Variants in RBFOX1 observed in about 807,000 individuals in gnomAD.
RBFOX1 encodes RNA binding fox-1 homolog 1.
In RBFOX1, 8 loss-of-function variants were observed where a neutral mutation model predicts 57.7. The observed-to-expected ratio is 0.14, with a 90% confidence interval of 0.08 to 0.25. The LOEUF (loss-of-function observed/expected upper bound fraction) is 0.25. RBFOX1 is among the 10% of genes least tolerant of loss of function. RBFOX1 has a pLI of 1.00. For missense variants in RBFOX1, 611 were observed against 548.5 expected (o/e 1.11, Z -1.14); for synonymous variants, 326 against 222.4 (o/e 1.47, Z -4.15).
chr16:5,429,844 G>A (rs1264975012), intron 1 of RBFOX1, among the ~76,000 whole-genome samples: 1 of 152,184 alleles, frequency 6.6e-6, no homozygotes, highest in Non-Finnish European at 1.5e-5. Context: ...TGTGCTAGGG[G>A]CTCCGGCTGT....
chr16:5,525,019 T>C (rs936900709), intron 2 of RBFOX1, among the ~76,000 whole-genome samples: 1 of 152,230 alleles, frequency 6.6e-6, no homozygotes, highest in East Asian at 1.9e-4. Context: ...TTGATTAATG[T>C]CCATCTTCCC....
chr16:5,708,721 C>A (rs74006214), intron 3 of RBFOX1, among the ~76,000 whole-genome samples: 1 of 152,138 alleles, frequency 6.6e-6, no homozygotes, highest in Non-Finnish European at 1.5e-5. Flanking sequence ...CTGGCACCGG[C>A]TTGGGCAATA....
At chr16:6,884,353 G>C (rs1010582141) in intron 3 of RBFOX1, among the ~76,000 whole-genome samples, 1 of 152,182 alleles carries the variant, frequency 6.6e-6, no homozygotes. Flanking sequence ...TTCTTCCAAA[G>C]TCACTTGACA....
chr16:6,460,910 A>T (rs938692597), intron 2 of RBFOX1, among the ~76,000 whole-genome samples: 2 of 152,026 alleles, frequency 1.3e-5, no homozygotes, highest in African/African-American at 4.8e-5. Flanking sequence ...TACACCATGG[A>T]ATACTATGCA....
intron 1 of RBFOX1, among the ~76,000 whole-genome samples, chr16:6,283,629 T>C (rs2076615141): frequency 6.6e-6 from 1 of 152,190 alleles, no homozygotes. Flanking sequence ...TTTATAGATA[T>C]TGCACCAGTT....
chr16:7,040,461 C>G (rs775362890), intron 3 of RBFOX1, among the ~76,000 whole-genome samples: 2 of 152,122 alleles, frequency 1.3e-5, no homozygotes, highest in Non-Finnish European at 2.9e-5. Context: ...TATTGCTGCT[C>G]TTAGTATGAA....
Position 6,231,016 on chromosome 16 carries a change from C to A in RBFOX1, c.-126-85979C>A, listed in dbSNP as rs533978544. ...ACCAGTAAACTGTTACATCAGTGACCACTTGTGGTACATGTTAGGTATGAA... is the reference window on the plus strand; with the variant it reads ...ACCAGTAAACTGTTACATCAGTGACAACTTGTGGTACATGTTAGGTATGAA... On this transcript the variant is annotated intron_variant, in intron 1 of 15. Coordinates refer to ENST00000550418, the MANE Select transcript of RBFOX1 (RefSeq NM_018723.4). Among the ~76,000 whole-genome samples, 43 of 152,118 alleles carry A rather than the reference C, an allele frequency of 2.8e-4. No homozygotes were observed. In the South Asian group the frequency reaches 8.7e-3, roughly 31 times the overall value.
chr16:6,620,498 G>C (rs958051226), intron 2 of RBFOX1, among the ~76,000 whole-genome samples: 1 of 151,970 alleles, frequency 6.6e-6, no homozygotes, highest in Non-Finnish European at 1.5e-5. Context: ...ACCAAAATCG[G>C]AGCTGAACTG....
intron 4 of RBFOX1, among the ~76,000 whole-genome samples, chr16:7,314,197 T>C (rs1465046767): frequency 6.6e-6 from 1 of 152,116 alleles, no homozygotes; most frequent in Non-Finnish European, 1.5e-5. Context: ...CCAATTCCAA[T>C]CCCCAAATCT....
At chr16:6,701,172 A>G (rs189223918) in intron 3 of RBFOX1, among the ~76,000 whole-genome samples, 2 of 151,318 alleles carry the variant, frequency 1.3e-5, no homozygotes, top group East Asian at 4.1e-4. Context: ...TCTTGGGCTG[A>G]AATGGCTGGG....
chr16:5,425,575 C>G (rs922071332), intron 1 of RBFOX1, among the ~76,000 whole-genome samples: 1 of 152,208 alleles, frequency 6.6e-6, no homozygotes, highest in Non-Finnish European at 1.5e-5. Context: ...GACTCCCCTC[C>G]TTTCTTGTGG....
chr16:5,917,431 A>G (rs557750838), intron 4 of RBFOX1, among the ~76,000 whole-genome samples: 1 of 152,342 alleles, frequency 6.6e-6, no homozygotes, highest in Non-Finnish European at 1.5e-5. Flanking sequence ...TTTTATAAAA[A>G]CAGAGAGGTT....
rs72775776 is a variant in RBFOX1 at position 5,308,642 on chromosome 16, A to G, written c.219+68537A>G. On this transcript the variant is annotated intron_variant, in intron 1 of 2. Coordinates refer to the RBFOX1 transcript ENST00000585867. ...TAGAGTTATATTATTTTGGCTATGT[A>G]AATATTATTCTTTTCAGGGCCGATA... Among the ~76,000 whole-genome samples, 681 of 152,252 alleles carry G rather than the reference A, an allele frequency of 4.5e-3. 1 individual carries two copies. The highest frequency in any genetic ancestry group is 5.6e-3 in the Non-Finnish European group (378 of 68,018).
At chr16:6,365,129 T>G (rs1314840014) in intron 2 of RBFOX1, among the ~76,000 whole-genome samples, 1 of 152,208 alleles carries the variant, frequency 6.6e-6, no homozygotes, top group Non-Finnish European at 1.5e-5. Context: ...GCTTTCCTCT[T>G]AACAATCTGG....
chr16:6,948,279 A>C (rs1296871454), intron 3 of RBFOX1, among the ~76,000 whole-genome samples: 1 of 152,102 alleles, frequency 6.6e-6, no homozygotes, highest in African/African-American at 2.4e-5. Context: ...GAAAAACATA[A>C]AATAAAAATT....
chr16:7,374,917 C>T (rs540649247), intron 4 of RBFOX1, among the ~76,000 whole-genome samples: 3 of 152,316 alleles, frequency 2.0e-5, no homozygotes, highest in South Asian at 2.1e-4. Flanking sequence ...ACTAGTATTT[C>T]AAGACCTCTG....
At chr16:6,322,276 A>G (rs1428857471) in intron 2 of RBFOX1, among the ~76,000 whole-genome samples, 1 of 152,220 alleles carries the variant, frequency 6.6e-6, no homozygotes, top group Admixed American at 6.5e-5. Flanking sequence ...TGAAACAAGA[A>G]TATCGTCTAG....
intron 3 of RBFOX1, among the ~76,000 whole-genome samples, chr16:5,662,731 G>C (rs1032272027): frequency 1.1e-4 from 16 of 152,186 alleles, no homozygotes; most frequent in African/African-American, 3.6e-4. Flanking sequence ...AGCAGTAGGG[G>C]GTGGAGGTTT....
chr16:6,544,894 T>A (rs1379837554), intron 2 of RBFOX1, among the ~76,000 whole-genome samples: 1 of 152,242 alleles, frequency 6.6e-6, no homozygotes, highest in Non-Finnish European at 1.5e-5. Flanking sequence ...GTACCATTGT[T>A]TGCACATGTC....
Sources: gnomAD v4.1 joint callset for allele counts (sites outside exome capture counted in the v4.1 genomes callset) on GRCh38, gnomAD v4.1.1 for gene constraint, MANE v1.5 for transcripts, NCBI Gene and HGNC (gene_info 2026-07-23, HGNC 2026-07-21) for gene names.